The following DOCK3 variants were observed in gnomAD, a reference collection of about 807,000 sequenced individuals.
The protein encoded by DOCK3 is dedicator of cytokinesis 3, also known as dedicator of cytokinesis protein 3.
Under a neutral mutation model 265.6 loss-of-function variants are expected in DOCK3, and 60 were observed. The observed-to-expected ratio is 0.23, with a 90% CI of 0.18 to 0.28. The LOEUF is 0.28. Ranked by LOEUF, DOCK3 falls within the 10% of genes least tolerant of loss-of-function variation. DOCK3 has a pLI of 1.00. For missense variants in DOCK3, 1,981 were observed against 2,594.3 expected, an observed-to-expected ratio of 0.76 and a Z score of 5.14; for synonymous variants, 881 against 938.0, an observed-to-expected ratio of 0.94 and a Z score of 1.11.
Position 51,381,693 on chromosome 3 carries a change from C to A in DOCK3, c.*134C>A. On this transcript the variant is annotated 3_prime_UTR_variant, in exon 53 of 53. Transcript: ENST00000266037. This position sits in a 1 kb window ranked among gnomAD's most constrained non-coding sequence, Gnocchi z 5.6. Reference sequence around the variant, plus strand: ...ACTCAGGAGAGAACCACCCCCAAGTCTCCGTTCTACTGCCGTGAACTCATG... The same window carrying A: ...ACTCAGGAGAGAACCACCCCCAAGTATCCGTTCTACTGCCGTGAACTCATG... The A allele has an allele frequency of 8.1e-7, 1 of 1,235,986 alleles. No homozygotes were observed. The highest frequency in any genetic ancestry group is 1.1e-6 in the Non-Finnish European group (1 of 923,250). 76.6% of individuals were successfully genotyped at this position (1,235,986 alleles called of 1,614,324 possible).
intron 4 of DOCK3, among the ~76,000 whole-genome samples, chr3:50,899,435 GC>G (rs762228491): frequency 6.6e-5 from 10 of 152,186 alleles, no homozygotes; most frequent in Non-Finnish European, 1.3e-4. Context: ...TGTCCAGTTT[GC>G]CAGTCTGTGT....
intron 49 of DOCK3, among the ~76,000 whole-genome samples, chr3:51,364,089 T>A (rs1446962716): frequency 6.6e-6 from 1 of 152,232 alleles, no homozygotes; most frequent in Non-Finnish European, 1.5e-5. Flanking sequence ...TTGAACTAGT[T>A]TACAGTCCCA....
At chr3:50,803,332 C>T (rs2043171440) in intron 2 of DOCK3, among the ~76,000 whole-genome samples, 1 of 152,094 alleles carries the variant, frequency 6.6e-6, no homozygotes, top group Admixed American at 6.5e-5. Context: ...TTGGACCGCC[C>T]TTAATCCATT....
At chr3:51,248,340 G>A (rs1000041770) in intron 22 of DOCK3, among the ~76,000 whole-genome samples, 1 of 152,262 alleles carries the variant, frequency 6.6e-6, no homozygotes, top group Non-Finnish European at 1.5e-5. Flanking sequence ...TTGCAGGCGC[G>A]CGCTGCCACG....
chr3:51,000,492 G>A (rs1224462574), intron 5 of DOCK3, among the ~76,000 whole-genome samples: 1 of 152,040 alleles, frequency 6.6e-6, no homozygotes, highest in Non-Finnish European at 1.5e-5. Context: ...CTAGGACAAG[G>A]GCAAATAAAA....
chr3:50,773,253 A>G (rs1418108880), intron 1 of DOCK3, among the ~76,000 whole-genome samples: 1 of 152,022 alleles, frequency 6.6e-6, no homozygotes, highest in Non-Finnish European at 1.5e-5. Flanking sequence ...ATTAAACTAG[A>G]CTCCTATCTC....
In DOCK3 at chr3:50,741,727, A is replaced by G. The variant is rs1430106125; in HGVS notation, c.38-36948A>G. 9.2e-5 allele frequency among the ~76,000 whole-genome samples: 14 copies of G among 151,796 alleles called. 1 individual carries two copies. The highest frequency in any genetic ancestry group is 3.4e-4 in the African/African-American group (14 of 41,308). On this transcript the variant is annotated intron_variant, in intron 1 of 52. Coordinates refer to ENST00000266037, the MANE Select transcript of DOCK3 (RefSeq NM_004947.5). ...CTTTGCTATTGTGAATAGTGCCGCAATAAACATACGTGTGCGTGTGTCTTT... is the reference window on the plus strand; with the variant it reads ...CTTTGCTATTGTGAATAGTGCCGCAGTAAACATACGTGTGCGTGTGTCTTT...
intron 2 of DOCK3, among the ~76,000 whole-genome samples, chr3:50,821,208 T>C (rs1240460084): frequency 6.6e-6 from 1 of 151,636 alleles, no homozygotes; most frequent in African/African-American, 2.4e-5. Context: ...TTGTCAATTG[T>C]TTTTGTTGCA....
At chr3:50,957,595 G>C (rs901895486) in intron 5 of DOCK3, among the ~76,000 whole-genome samples, 4 of 152,174 alleles carry the variant, frequency 2.6e-5, no homozygotes, top group African/African-American at 9.7e-5. Context: ...ACAAAACTTT[G>C]TTAAAGTAGA....
rs542102459 is a variant in DOCK3 at position 50,934,492 on chromosome 3, A to G, written c.315+415A>G. Among the ~76,000 whole-genome samples the G allele has an allele frequency of 7.2e-5, 11 of 152,340 alleles. No homozygotes were observed. In the South Asian group the frequency reaches 2.3e-3, roughly 32 times the overall value. On this transcript the variant is annotated intron_variant, in intron 5 of 52. Coordinates refer to ENST00000266037, the MANE Select transcript of DOCK3 (RefSeq NM_004947.5). Reference sequence around the variant, plus strand: ...TTAACAGCTACTAAGCTTCAAGGATATGTCATATCTGACACTTTGCTGGCC... The same window carrying G: ...TTAACAGCTACTAAGCTTCAAGGATGTGTCATATCTGACACTTTGCTGGCC...
intron 1 of DOCK3, among the ~76,000 whole-genome samples, chr3:50,762,202 A>G (rs1169249485): frequency 6.6e-6 from 1 of 152,018 alleles, no homozygotes; most frequent in Non-Finnish European, 1.5e-5. Flanking sequence ...ACATGTATAT[A>G]TATGTCACAA....
intron 2 of DOCK3, among the ~76,000 whole-genome samples, chr3:50,790,473 CT>C (rs35664807): frequency 3.1e-4 from 41 of 131,952 alleles, no homozygotes; most frequent in Admixed American, 9.7e-4. Context: ...ATATTTAGAG[CT>C]TTTTTTTTTT....
At chr3:51,238,376 T>G (rs2108492383) in intron 21 of DOCK3, among the ~76,000 whole-genome samples, 1 of 152,130 alleles carries the variant, frequency 6.6e-6, no homozygotes, top group South Asian at 2.1e-4. Context: ...TCTCCTGACC[T>G]CATGATCCAC....
At chr3:50,989,897 A>G (rs1341583697) in intron 5 of DOCK3, among the ~76,000 whole-genome samples, 1 of 152,244 alleles carries the variant, frequency 6.6e-6, no homozygotes, top group Non-Finnish European at 1.5e-5. Flanking sequence ...CAAGGAAAAG[A>G]AAAATCACAA....
chr3:51,262,190 C>T (rs1375272270), intron 23 of DOCK3, among the ~76,000 whole-genome samples: 1 of 152,174 alleles, frequency 6.6e-6, no homozygotes, highest in Non-Finnish European at 1.5e-5. Context: ...GGTGGGTGCC[C>T]CTCTGGGACG....
rs140459607 is a variant in DOCK3, at chr3:51,361,407, C to T, written c.5007-452C>T. ...AGGAGGCCTGCAGATAGTTCACAGC[C>T]GGCTATTTTGGTAGCTTCCCACACT... On this transcript the variant is annotated intron_variant, in intron 47 of 52. Transcript: ENST00000266037. The surrounding 1 kb of genome is among the most constrained non-coding windows in gnomAD (Gnocchi z 4.2). Among the ~76,000 whole-genome samples, 5 of 150,840 alleles carry T rather than the reference C, an allele frequency of 3.3e-5. No homozygotes were observed. The East Asian group carries it at 7.9e-4, about 24-fold the overall frequency.
At chr3:51,016,549 A>G (rs1288162177) in intron 5 of DOCK3, among the ~76,000 whole-genome samples, 1 of 15,028 alleles carries the variant, frequency 6.7e-5, no homozygotes, top group Non-Finnish European at 8.9e-5. Context: ...ATATATATTT[A>G]TATATATCAT....
chr3:51,028,231 A>G (rs1218983611), intron 5 of DOCK3, among the ~76,000 whole-genome samples: 1 of 152,094 alleles, frequency 6.6e-6, no homozygotes, highest in African/African-American at 2.4e-5. Context: ...TTTTTTCTTT[A>G]AGAATGCTAA....
chr3:51,333,075 C>T (rs1049646696), intron 34 of DOCK3, 48 bp downstream of exon 34: 7 of 1,613,796 alleles, frequency 4.3e-6, no homozygotes, highest in Non-Finnish European at 5.9e-6. Flanking sequence ...CCATCACAGC[C>T]TCCATGGGCT....
Sources: allele counts gnomAD v4.1 joint callset (sites outside exome capture counted in the v4.1 genomes callset), GRCh38; gene constraint gnomAD v4.1.1; non-coding constraint Gnocchi (gnomAD v3.1); transcripts MANE v1.5; gene names NCBI Gene and HGNC (gene_info 2026-07-23, HGNC 2026-07-21).